Variants in GLI2 observed in about 807,000 individuals in gnomAD.
GLI2 encodes the protein GLI family zinc finger 2, also known as transcription activator GLI2.
GLI2 carries 22 observed loss-of-function variants against 78.9 expected under a neutral mutation model. That is an observed-to-expected ratio of 0.28 (90% CI 0.20 to 0.40). The LOEUF (loss-of-function observed/expected upper bound fraction) is 0.40. Among genes scored for constraint, GLI2 ranks in the 10% least tolerant of loss-of-function variants. GLI2 has a pLI of 1.00. For synonymous variants in GLI2, 974 were observed against 963.7 expected, an observed-to-expected ratio of 1.01 and a Z score of -0.20; for missense variants, 2,097 against 2,213.2, an observed-to-expected ratio of 0.95 and a Z score of 1.05.
chr2:120,807,679 G>A (rs1296867268), intron 2 of GLI2, among the ~76,000 whole-genome samples: 1 of 152,130 alleles, frequency 6.6e-6, no homozygotes, highest in African/African-American at 2.4e-5. Context: ...GGCTGGTTTT[G>A]TCAGCCCCTT....
intron 2 of GLI2, among the ~76,000 whole-genome samples, chr2:120,849,441 G>A (rs1558832646): frequency 6.6e-6 from 1 of 152,066 alleles, no homozygotes; most frequent in African/African-American, 2.4e-5. Flanking sequence ...TATGCCAATA[G>A]TGATGATGAT....
intron 2 of GLI2, among the ~76,000 whole-genome samples, chr2:120,823,651 G>A (rs918412880): frequency 1.8e-4 from 28 of 152,178 alleles, no homozygotes; most frequent in Non-Finnish European, 2.9e-4. Context: ...GGCAGGGATC[G>A]GAATCCTTCC....
intron 2 of GLI2, among the ~76,000 whole-genome samples, chr2:120,798,809 G>T (rs1684544335): frequency 6.6e-6 from 1 of 152,196 alleles, no homozygotes; most frequent in African/African-American, 2.4e-5. Flanking sequence ...GCCACACATG[G>T]TCTTTTCCTT....
intron 2 of GLI2, among the ~76,000 whole-genome samples, chr2:120,799,626 G>A (rs185246218): frequency 3.3e-5 from 5 of 152,352 alleles, no homozygotes; most frequent in African/African-American, 9.6e-5. Context: ...GGGATGGGAG[G>A]TGCGCTGGCC....
At chr2:120,879,103 G>A (rs550221819) in intron 2 of GLI2, among the ~76,000 whole-genome samples, 2 of 152,232 alleles carry the variant, frequency 1.3e-5, no homozygotes, top group South Asian at 4.2e-4. Flanking sequence ...GGCTGCCTGG[G>A]CCTGGCATTA....
chr2:120,769,402 G>A (rs1026518627), intron 1 of GLI2, among the ~76,000 whole-genome samples: 16 of 152,310 alleles, frequency 1.1e-4, no homozygotes, highest in Admixed American at 9.8e-4. Context: ...CCGGGGCCTG[G>A]GGGCATCCCC....
chr2:120,761,108 T>G (rs146678273), intron 1 of GLI2, among the ~76,000 whole-genome samples: 247 of 152,230 alleles, frequency 1.6e-3, no homozygotes, highest in African/African-American at 5.8e-3. Flanking sequence ...TTACAGGTTT[T>G]CAAAATAAAG....
At chr2:120,943,186 C>A (rs1330087630) in intron 3 of GLI2, among the ~76,000 whole-genome samples, 1 of 152,168 alleles carries the variant, frequency 6.6e-6, no homozygotes, top group South Asian at 2.1e-4. Flanking sequence ...CACAGAAGCA[C>A]CGTAGGAGGA....
At chr2:120,736,693 G>A (rs1163727316) in intron 1 of GLI2, among the ~76,000 whole-genome samples, 2 of 152,110 alleles carry the variant, frequency 1.3e-5, no homozygotes, top group East Asian at 3.9e-4. Context: ...AGGTGGGCAT[G>A]GGAGCGTGTC....
intron 2 of GLI2, among the ~76,000 whole-genome samples, chr2:120,829,148 C>A (rs1686233577): frequency 6.6e-6 from 1 of 152,164 alleles, no homozygotes; most frequent in Non-Finnish European, 1.5e-5. Flanking sequence ...CACGTGCACA[C>A]CCAGCACCCA....
intron 1 of GLI2, among the ~76,000 whole-genome samples, chr2:120,766,034 G>C (rs999746630): frequency 6.6e-6 from 1 of 152,006 alleles, no homozygotes; most frequent in Non-Finnish European, 1.5e-5. Context: ...TCTCGGAGAC[G>C]TCTGGAGCTC....
chr2:120,882,387 C>T (rs772061301), intron 2 of GLI2, among the ~76,000 whole-genome samples: 3 of 152,290 alleles, frequency 2.0e-5, no homozygotes, highest in East Asian at 1.9e-4. Context: ...CAGCTGCTGC[C>T]GGCTGCGGGA....
chr2:120,913,475 T>C (rs982510987), intron 2 of GLI2, among the ~76,000 whole-genome samples: 8 of 152,240 alleles, frequency 5.3e-5, no homozygotes, highest in Non-Finnish European at 1.0e-4. Context: ...TTTTTAAATG[T>C]GGCTCCTAGA....
At chr2:120,769,269 G>A (rs1683456302) in intron 1 of GLI2, among the ~76,000 whole-genome samples, 1 of 152,218 alleles carries the variant, frequency 6.6e-6, no homozygotes, top group African/African-American at 2.4e-5. Flanking sequence ...ATCAGGAGAG[G>A]GCTAAAGCGC....
intron 1 of GLI2, among the ~76,000 whole-genome samples, chr2:120,783,437 G>C (rs1345909160): frequency 1.3e-5 from 2 of 152,136 alleles, no homozygotes; most frequent in Non-Finnish European, 1.5e-5. Context: ...TGCAGGCTCC[G>C]TGTAGACTGG....
intron 5 of GLI2, among the ~76,000 whole-genome samples, chr2:120,956,403 T>A (rs539013637): frequency 8.5e-5 from 13 of 152,064 alleles, no homozygotes; most frequent in African/African-American, 2.9e-4. Flanking sequence ...CTTCCCACCC[T>A]CCAAATGCCA....
At position 120,869,859 on chromosome 2, in the gene GLI2, G is replaced by C. The variant is rs377447682; in HGVS notation, c.149-57502G>C. ...CCCCCTCCTGAGCTCCAGGCTGCAG[G>C]GGGCCCTGCAGGGGGACCTTCAGTC... On this transcript the variant is annotated intron_variant, in intron 2 of 13. Coordinates refer to ENST00000361492, the MANE Select transcript of GLI2 (RefSeq NM_001374353.1). 2.2e-4 allele frequency among the ~76,000 whole-genome samples: 34 copies of C among 152,162 alleles called. No homozygotes were observed. The East Asian group carries it at 6.6e-3, about 30-fold the overall frequency.
chr2:120,896,132 T>C (rs75354280), intron 2 of GLI2, among the ~76,000 whole-genome samples: 5,527 of 152,274 alleles, frequency 0.036, 160 homozygotes, highest in Non-Finnish European at 0.049. Context: ...CCCTGAGTGA[T>C]CTTGGGCAGG....
chr2:120,827,957 T>C (rs1342953712), intron 2 of GLI2, among the ~76,000 whole-genome samples: 2 of 152,158 alleles, frequency 1.3e-5, no homozygotes, highest in Admixed American at 1.3e-4. Flanking sequence ...AGATGGATGG[T>C]CGTGATGGTT....
Sources: allele counts gnomAD v4.1 joint callset (sites outside exome capture counted in the v4.1 genomes callset), GRCh38; gene constraint gnomAD v4.1.1; transcripts MANE v1.5; gene names NCBI Gene and HGNC (gene_info 2026-07-23, HGNC 2026-07-21).